ANO2: variants seen among roughly 807,000 people sequenced by gnomAD.
ANO2 encodes anoctamin-2.
Under a neutral mutation model 124.2 loss-of-function variants are expected in ANO2, and 101 were observed. That is an observed-to-expected ratio of 0.81 (90% confidence interval 0.69 to 0.96). The LOEUF is 0.96. ANO2 is among the 40% of genes least tolerant of loss of function. ANO2 has a pLI of 0.00. For synonymous variants in ANO2, 486 were observed against 482.5 expected (o/e 1.01, Z -0.09); for missense variants, 1,293 against 1,274.5 (o/e 1.01, Z -0.22).
intron 15 of ANO2, among the ~76,000 whole-genome samples, chr12:5,645,543 A>G (rs950826205): frequency 5.9e-5 from 9 of 152,182 alleles, no homozygotes; most frequent in Non-Finnish European, 1.2e-4. Flanking sequence ...TCTAGCAGAT[A>G]GAGGTTTATT....
intron 4 of ANO2, among the ~76,000 whole-genome samples, chr12:5,837,165 C>T (rs1459469972): frequency 6.6e-6 from 1 of 152,158 alleles, no homozygotes; most frequent in African/African-American, 2.4e-5. Context: ...GCCTCCCCCT[C>T]CTGCCCCTAC....
intron 7 of ANO2, among the ~76,000 whole-genome samples, chr12:5,813,729 C>A (rs10849343): frequency 0.41 from 62,950 of 152,072 alleles, 16,014 homozygotes; most frequent in Admixed American, 0.57. Flanking sequence ...CTGGTACCTG[C>A]TCTCTGTGAA....
chr12:5,893,148 A>C (rs56219101), intron 3 of ANO2, among the ~76,000 whole-genome samples: 11,480 of 152,116 alleles, frequency 0.075, 844 homozygotes, highest in African/African-American at 0.19. Flanking sequence ...TCTAGAATAT[A>C]ATATCAGAAA....
intron 14 of ANO2, among the ~76,000 whole-genome samples, chr12:5,648,566 G>A (rs185147035): frequency 6.6e-5 from 10 of 152,218 alleles, no homozygotes; most frequent in Non-Finnish European, 1.0e-4. Context: ...GTCATTTGGT[G>A]GGGGACAGGG....
At chr12:5,588,106 G>C (rs1015287105) in intron 20 of ANO2, among the ~76,000 whole-genome samples, 5 of 138,324 alleles carry the variant, frequency 3.6e-5, no homozygotes, top group Non-Finnish European at 6.0e-5. Context: ...CACCAGAGGC[G>C]GGGGGCAGCT....
At chr12:5,664,852 GT>G (rs1258227258) in intron 14 of ANO2, among the ~76,000 whole-genome samples, 3 of 152,158 alleles carry the variant, frequency 2.0e-5, no homozygotes, top group Admixed American at 6.5e-5. Context: ...GAGAAGTCCT[GT>G]ACTATTTTCA....
intron 15 of ANO2, among the ~76,000 whole-genome samples, chr12:5,647,133 A>G (rs1946678854): frequency 2.6e-5 from 4 of 152,190 alleles, no homozygotes; most frequent in African/African-American, 9.6e-5. Flanking sequence ...GCCTTCCCCA[A>G]GGTCCTCTAG....
At chr12:5,881,058 T>C (rs529479101) in intron 3 of ANO2, among the ~76,000 whole-genome samples, 8 of 152,330 alleles carry the variant, frequency 5.3e-5, no homozygotes, top group Non-Finnish European at 1.0e-4. Context: ...TGGACAAAGA[T>C]GACCTCAGAG....
chr12:5,799,340 T>C (rs1050758154), intron 10 of ANO2, among the ~76,000 whole-genome samples, 167 bp downstream of exon 10: 3 of 152,174 alleles, frequency 2.0e-5, no homozygotes, highest in African/African-American at 7.2e-5. Context: ...CCCTCCCATG[T>C]CCCCAGCTGC....
At chr12:5,793,057 G>A (rs1952744776) in intron 10 of ANO2, among the ~76,000 whole-genome samples, 1 of 152,146 alleles carries the variant, frequency 6.6e-6, no homozygotes, top group Admixed American at 6.6e-5. Context: ...TTTGGGGTGT[G>A]GGAAAGAAAG....
chr12:5,877,269 G>A (rs1021207909), intron 3 of ANO2, among the ~76,000 whole-genome samples: 1 of 152,216 alleles, frequency 6.6e-6, no homozygotes, highest in African/African-American at 2.4e-5. Context: ...TGGAGGCAGA[G>A]ATTGGAGTGA....
At chr12:5,898,015 A>G (rs955714504) in intron 3 of ANO2, among the ~76,000 whole-genome samples, 3 of 152,224 alleles carry the variant, frequency 2.0e-5, no homozygotes, top group African/African-American at 4.8e-5. Context: ...TACCAAGTAT[A>G]GATGAAGAAT....
At chr12:5,853,280 G>A (rs988701254) in intron 4 of ANO2, among the ~76,000 whole-genome samples, 3 of 150,712 alleles carry the variant, frequency 2.0e-5, no homozygotes, top group South Asian at 4.2e-4. Context: ...GGGATTACAG[G>A]TGTGAGCCAC....
chr12:5,795,267 C>A (rs541725558), intron 10 of ANO2, among the ~76,000 whole-genome samples: 1 of 152,362 alleles, frequency 6.6e-6, no homozygotes, highest in African/African-American at 2.4e-5. Context: ...AGATCACTCT[C>A]AGATCCTCGT....
chr12:5,934,422 T>C (rs1399093810), intron 1 of ANO2, among the ~76,000 whole-genome samples: 2 of 152,238 alleles, frequency 1.3e-5, no homozygotes, highest in Non-Finnish European at 2.9e-5. Context: ...CCCAAGATCC[T>C]AACAGTTAAG....
rs544317149 is a variant in ANO2 at position 5,829,733 on chromosome 12, C to A, written c.840+702G>T. ...CTAGGGTGATAGAGAATAAACTGAT[C>A]GGTGAATGAAGATGTTCTACAGCTC... On this transcript the variant is annotated intron_variant, in intron 6 of 24. Transcript: ENST00000682330. Among the ~76,000 whole-genome samples the A allele has an allele frequency of 3.9e-5, 6 of 152,238 alleles. No homozygotes were observed. The South Asian group carries it at 1.2e-3, about 32-fold the overall frequency.
chr12:5,678,684 T>C (rs986040621), intron 14 of ANO2, among the ~76,000 whole-genome samples: 8 of 152,250 alleles, frequency 5.3e-5, no homozygotes, highest in Non-Finnish European at 1.0e-4. Flanking sequence ...AATGAAATGA[T>C]GAAAGAAAAT....
intron 14 of ANO2, among the ~76,000 whole-genome samples, chr12:5,660,434 G>A (rs74862483): frequency 0.011 from 1,648 of 147,422 alleles, 153 homozygotes; most frequent in Middle Eastern, 0.021. Flanking sequence ...CTTAGAACAC[G>A]CCAAGCCGGC....
intron 1 of ANO2, among the ~76,000 whole-genome samples, chr12:5,928,449 CCGTAG>C (rs1942193214): frequency 1.0e-5 from 1 of 98,702 alleles, no homozygotes; most frequent in Non-Finnish European, 2.4e-5. Context: ...TTTCCTTCCT[CCGTAG>C]TCTACTTTCC....
Sources: gnomAD v4.1 joint callset for allele counts (sites outside exome capture counted in the v4.1 genomes callset) on GRCh38, gnomAD v4.1.1 for gene constraint, MANE v1.5 for transcripts, NCBI Gene and HGNC (gene_info 2026-07-23, HGNC 2026-07-21) for gene names.